PINX1: variants seen among roughly 807,000 people sequenced by gnomAD.
The protein encoded by PINX1 is PIN2 (TERF1) interacting telomerase inhibitor 1, also known as PIN2/TERF1-interacting telomerase inhibitor 1.
A neutral mutation model predicts 25.4 loss-of-function variants in PINX1; 34 were observed. The observed-to-expected ratio is 1.34, with a 90% CI of 1.02 to 1.78. The LOEUF is 1.78. PINX1 is among the 40% of genes most tolerant of loss of function. The pLI, the probability that PINX1 is intolerant of heterozygous loss-of-function variation, is 0.00. For missense variants in PINX1, 592 were observed against 404.9 expected (o/e 1.46, Z -3.97); for synonymous variants, 197 against 147.7 (o/e 1.33, Z -2.42).
At chr8:10,813,910 AG>A (rs1225984412) in intron 6 of PINX1, among the ~76,000 whole-genome samples, 3 of 141,434 alleles carry the variant, frequency 2.1e-5, no homozygotes, top group Non-Finnish European at 1.6e-5. Flanking sequence ...AAAATGAGAG[AG>A]GAAAAAAAAA....
intron 6 of PINX1, among the ~76,000 whole-genome samples, chr8:10,773,909 C>A (rs1259266899): frequency 6.6e-6 from 1 of 152,198 alleles, no homozygotes; most frequent in African/African-American, 2.4e-5. Flanking sequence ...ACACACTGGC[C>A]ATGGAAGATA....
At chr8:10,818,333 T>A (rs1797762635) in intron 6 of PINX1, among the ~76,000 whole-genome samples, 1 of 152,220 alleles carries the variant, frequency 6.6e-6, no homozygotes, top group Non-Finnish European at 1.5e-5. Flanking sequence ...TGTCTCACTT[T>A]AACATGACTT....
At chr8:10,836,396 C>G (rs562695998) in intron 1 of PINX1, among the ~76,000 whole-genome samples, 6 of 152,178 alleles carry the variant, frequency 3.9e-5, no homozygotes, top group Non-Finnish European at 8.8e-5. Context: ...AGAGAGAAGC[C>G]TGTTAGCCAG....
chr8:10,821,020 T>C (rs1199879157), intron 5 of PINX1, among the ~76,000 whole-genome samples: 1 of 152,254 alleles, frequency 6.6e-6, no homozygotes, highest in Non-Finnish European at 1.5e-5. Flanking sequence ...TTTCCACTTC[T>C]ACCCAATAAT....
At chr8:10,808,753 T>C (rs1802534319) in intron 6 of PINX1, among the ~76,000 whole-genome samples, 1 of 152,188 alleles carries the variant, frequency 6.6e-6, no homozygotes, top group African/African-American at 2.4e-5. Flanking sequence ...GATTTTCACC[T>C]ATTGGTAAAC....
At chr8:10,791,396 G>A (rs1391914597) in intron 6 of PINX1, among the ~76,000 whole-genome samples, 1 of 152,078 alleles carries the variant, frequency 6.6e-6, no homozygotes, top group Non-Finnish European at 1.5e-5. Context: ...AGCATCCTTG[G>A]GTCACTGCAG....
At chr8:10,777,593 G>C (rs1801433315) in intron 6 of PINX1, among the ~76,000 whole-genome samples, 1 of 152,180 alleles carries the variant, frequency 6.6e-6, no homozygotes, top group African/African-American at 2.4e-5. Context: ...GAGGTAGGCA[G>C]GGTGTAGAAT....
chr8:10,823,990 T>C (rs1281586391), intron 5 of PINX1, among the ~76,000 whole-genome samples: 1 of 152,180 alleles, frequency 6.6e-6, no homozygotes, highest in Admixed American at 6.5e-5. Flanking sequence ...GATACATGAG[T>C]TGCAATATGA....
chr8:10,791,368 C>A (rs141667307), intron 6 of PINX1, among the ~76,000 whole-genome samples: 2 of 152,252 alleles, frequency 1.3e-5, no homozygotes, highest in East Asian at 3.9e-4. Context: ...AAGCACACAT[C>A]GCAAATGCTC....
intron 4 of PINX1, among the ~76,000 whole-genome samples, chr8:10,829,561 G>A (rs898176790): frequency 1.3e-5 from 2 of 152,152 alleles, no homozygotes; most frequent in East Asian, 3.8e-4. Flanking sequence ...GCAATTTACC[G>A]AATGTCATAC....
rs112087248 is a variant in PINX1 at position 10,775,008 on chromosome 8, G to C, written c.472-9092C>G. On this transcript the variant is annotated intron_variant, in intron 6 of 6. Transcript: ENST00000314787. ...ACCGGCACAACTTATTTTTAGCATA[G>C]ACAAAAACTAAACAACAACAAACCA... Among the ~76,000 whole-genome samples the C allele has an allele frequency of 7.4e-3, 1,120 of 152,030 alleles. 9 individuals are homozygous for C. Among genetic ancestry groups the C allele is most frequent in the African/African-American group, 0.026 (1,061 of 41,466 alleles).
intron 6 of PINX1, among the ~76,000 whole-genome samples, chr8:10,786,757 C>G (rs141545781): frequency 9.9e-5 from 15 of 152,258 alleles, no homozygotes; most frequent in South Asian, 8.3e-4. Flanking sequence ...CTTGCTCCCC[C>G]AGAAAGCAGT....
intron 4 of PINX1, among the ~76,000 whole-genome samples, chr8:10,827,851 C>T (rs1289948722): frequency 1.4e-5 from 2 of 144,062 alleles, no homozygotes; most frequent in African/African-American, 2.6e-5. Context: ...GCAGAGCTTG[C>T]AGCGAGCCGA....
chr8:10,811,759 G>A (rs185037018), intron 6 of PINX1, among the ~76,000 whole-genome samples: 6 of 152,260 alleles, frequency 3.9e-5, no homozygotes, highest in East Asian at 3.9e-4. Context: ...CTTGGGGCTC[G>A]GGGCAGCTGG....
intron 6 of PINX1, among the ~76,000 whole-genome samples, chr8:10,786,757 C>A (rs141545781): frequency 7.9e-5 from 12 of 152,258 alleles, no homozygotes; most frequent in South Asian, 4.1e-4. Context: ...CTTGCTCCCC[C>A]AGAAAGCAGT....
intron 6 of PINX1, among the ~76,000 whole-genome samples, chr8:10,798,999 G>C (rs907115359): frequency 1.3e-5 from 2 of 152,140 alleles, no homozygotes; most frequent in African/African-American, 2.4e-5. Flanking sequence ...AAATGAGTTT[G>C]TACTCACGTA....
chr8:10,765,844 A>C lies in PINX1; in HGVS notation c.544T>G (p.Phe182Val). 1 of 1,613,918 alleles carries C rather than the reference A, an allele frequency of 6.2e-7. No individual in the cohort carries two copies. The highest frequency in any genetic ancestry group is 8.5e-7 in the Non-Finnish European group (1 of 1,179,868). Residue 182 changes from phenylalanine (F) to valine (V), a missense_variant, in exon 7 of 7, where the codon TTT becomes GTT. By Grantham distance (50) the Phe-to-Val change is conservative. Transcript: ENST00000314787. ...TTSAFTIQEY[F>V]AKRMAALKNK... Reference sequence around the variant, plus strand: ...TTCAGTGCTGCCATCCGCTTGGCAAAGTACTCCTGGATGGTGAAGGCGCTG... The same window carrying C: ...TTCAGTGCTGCCATCCGCTTGGCAACGTACTCCTGGATGGTGAAGGCGCTG...
intron 6 of PINX1, among the ~76,000 whole-genome samples, chr8:10,808,013 A>C (rs1037244643): frequency 2.0e-5 from 3 of 152,138 alleles, no homozygotes; most frequent in Non-Finnish European, 4.4e-5. Context: ...AGAGGGAAAA[A>C]ACAAAATCAC....
At chr8:10,790,977 A>G (rs899654966) in intron 6 of PINX1, among the ~76,000 whole-genome samples, 4 of 152,052 alleles carry the variant, frequency 2.6e-5, no homozygotes, top group African/African-American at 9.7e-5. Flanking sequence ...CAAAGGCGCA[A>G]TCTTGGCTCA....
Sources: gnomAD v4.1 joint callset for allele counts (sites outside exome capture counted in the v4.1 genomes callset) on GRCh38, gnomAD v4.1.1 for gene constraint, MANE v1.5 for transcripts, NCBI Gene and HGNC (gene_info 2026-07-23, HGNC 2026-07-21) for gene names.